Variants in PLEKHA1 observed in about 807,000 individuals in gnomAD.
The protein encoded by PLEKHA1 is pleckstrin homology domain containing A1.
In PLEKHA1, 34 loss-of-function variants were observed where a neutral mutation model predicts 52.0. The ratio of observed to expected loss-of-function variants is 0.65; its 90% CI spans 0.50 to 0.87. PLEKHA1 has a LOEUF of 0.87. Among genes scored for constraint, PLEKHA1 ranks in the 40% least tolerant of loss-of-function variants. PLEKHA1 has a pLI of 0.00. For missense variants in PLEKHA1, 497 were observed against 504.2 expected (o/e 0.99, Z 0.14); for synonymous variants, 163 against 170.7 (o/e 0.95, Z 0.35).
intron 5 of PLEKHA1, among the ~76,000 whole-genome samples, chr10:122,409,811 C>G (rs989540758): frequency 2.7e-5 from 4 of 149,152 alleles, no homozygotes; most frequent in Non-Finnish European, 5.9e-5. Flanking sequence ...GACAGAGTCT[C>G]GCTGTGTTGC....
intron 11 of PLEKHA1, among the ~76,000 whole-genome samples, chr10:122,428,006 C>G (rs1470467495): frequency 6.6e-6 from 1 of 152,022 alleles, no homozygotes; most frequent in Non-Finnish European, 1.5e-5. Context: ...TCTTTATATC[C>G]TTTTTGAAAT....
In PLEKHA1 at chr10:122,429,680, C is replaced by T. The variant is rs752973072; in HGVS notation, c.957C>T (p.Ala319=). 1.3e-5 allele frequency: 21 copies of T among 1,613,100 alleles called. No individual in the cohort carries two copies. The East Asian group carries it at 1.6e-4, about 12-fold the overall frequency. Residue 319 remains alanine (A), a synonymous_variant, in exon 12 of 12, where the codon GCC becomes GCT. Coordinates refer to ENST00000368990, the MANE Select transcript of PLEKHA1 (RefSeq NM_001001974.4). ...SKHAFRPTNA[A]TATSHSTASR... ...ACGCTTTCCGTCCTACCAACGCAGC[C>T]ACCGCCACCTCACATTCCACAGCCT... is the stretch of plus-strand genomic sequence containing the variant.
chr10:122,398,651 T>G (rs1022085287), intron 3 of PLEKHA1, among the ~76,000 whole-genome samples: 2 of 151,536 alleles, frequency 1.3e-5, no homozygotes, highest in Non-Finnish European at 2.9e-5. Context: ...TAATAAAAGT[T>G]TGTTGATTAC....
chr10:122,408,002 C>T (rs537047356), intron 5 of PLEKHA1, among the ~76,000 whole-genome samples: 24 of 152,292 alleles, frequency 1.6e-4, no homozygotes, highest in African/African-American at 4.3e-4. Context: ...AAAACGCCTA[C>T]GCACCGCATC....
chr10:122,408,958 A>G (rs1482250312), intron 5 of PLEKHA1, among the ~76,000 whole-genome samples: 5 of 152,180 alleles, frequency 3.3e-5, no homozygotes, highest in African/African-American at 4.8e-5. Flanking sequence ...TAAATTTTAA[A>G]ATTTTGGAAA....
chr10:122,384,692 C>T (rs1313253506), intron 1 of PLEKHA1, among the ~76,000 whole-genome samples: 3 of 151,898 alleles, frequency 2.0e-5, no homozygotes, highest in African/African-American at 7.3e-5. Context: ...GTGGCTCACA[C>T]CTGTAATCCC....
intron 9 of PLEKHA1, among the ~76,000 whole-genome samples, 178 bp downstream of exon 9, chr10:122,424,441 T>C (rs911436354): frequency 1.4e-4 from 22 of 152,200 alleles, no homozygotes; most frequent in African/African-American, 5.3e-4. Context: ...TTGAACTACT[T>C]TGTTCATTTG....
At chr10:122,384,032 T>G (rs1482694702) in intron 1 of PLEKHA1, among the ~76,000 whole-genome samples, 1 of 152,206 alleles carries the variant, frequency 6.6e-6, no homozygotes, top group Non-Finnish European at 1.5e-5. Context: ...TGGGATGTCA[T>G]TGGCAATGGC....
At chr10:122,381,285 A>G (rs552754517) in intron 1 of PLEKHA1, among the ~76,000 whole-genome samples, 1 of 152,234 alleles carries the variant, frequency 6.6e-6, no homozygotes, top group Admixed American at 6.5e-5. Flanking sequence ...TAATTTGAAG[A>G]TGGAGATAAC....
Position 122,393,689 on chromosome 10 carries a change from A to G in PLEKHA1, c.141+348A>G, listed in dbSNP as rs1428621110. Reference sequence around the variant, plus strand: ...AAATAAGAAATACTTTTTTTGTAACATGTATTTCAAACAACAGCTAAAATA... The same window carrying G: ...AAATAAGAAATACTTTTTTTGTAACGTGTATTTCAAACAACAGCTAAAATA... On this transcript the variant is annotated intron_variant, in intron 2 of 11. Transcript: ENST00000368990. The surrounding 1 kb of genome is among the most constrained non-coding windows in gnomAD (Gnocchi z 4.5). 6.6e-6 allele frequency among the ~76,000 whole-genome samples: 1 copy of G among 152,206 alleles called. No homozygotes were observed. The highest frequency in any genetic ancestry group is 2.1e-4 in the South Asian group (1 of 4,832).
chr10:122,378,953 T>C (rs2133556877), intron 1 of PLEKHA1, among the ~76,000 whole-genome samples: 1 of 152,286 alleles, frequency 6.6e-6, no homozygotes, highest in East Asian at 1.9e-4. Flanking sequence ...TCTATTTGGA[T>C]ACAAATGTGT....
chr10:122,420,211 G>T (rs1375488555), intron 8 of PLEKHA1: 1 of 152,154 alleles, frequency 6.6e-6, no homozygotes, highest in Non-Finnish European at 1.5e-5. Context: ...TGATTCAGAA[G>T]ATCTGGAATC....
At chr10:122,408,366 A>G (rs1293682233) in intron 5 of PLEKHA1, among the ~76,000 whole-genome samples, 4 of 152,188 alleles carry the variant, frequency 2.6e-5, no homozygotes, top group African/African-American at 7.2e-5. Context: ...GCTTTTCAGC[A>G]TGAAGGAAAA....
chr10:122,415,853 T>C lies in PLEKHA1; in HGVS notation c.469-6T>C. ...AAAATAATTTATTTATTTTGCTTCA[T>C]TTTAGAAAGAAGAAGTAAATGAATG... is the stretch of plus-strand genomic sequence containing the variant. On this transcript the variant is annotated splice_polypyrimidine_tract_variant and splice_region_variant and intron_variant, in intron 6 of 11. Transcript: ENST00000368990. 6.2e-7 allele frequency: 1 copy of C among 1,604,040 alleles called. No individual in the cohort carries two copies.
chr10:122,398,169 T>TA (rs949071969), intron 3 of PLEKHA1, among the ~76,000 whole-genome samples, 195 bp downstream of exon 3: 33 of 152,274 alleles, frequency 2.2e-4, no homozygotes, highest in African/African-American at 7.5e-4. Context: ...GATTTTAACT[T>TA]ACAGGATGTG....
chr10:122,407,947 G>A (rs2097047382), intron 5 of PLEKHA1, among the ~76,000 whole-genome samples: 1 of 152,096 alleles, frequency 6.6e-6, no homozygotes, highest in African/African-American at 2.4e-5. Context: ...GAGTTTAGTC[G>A]AATCTTTTTG....
At chr10:122,390,644 G>A (rs745883664) in intron 1 of PLEKHA1, among the ~76,000 whole-genome samples, 1 of 151,990 alleles carries the variant, frequency 6.6e-6, no homozygotes, top group Non-Finnish European at 1.5e-5. Context: ...TGGGCATGGT[G>A]GTACATGCAT....
At position 122,428,368 on chromosome 10, in the gene PLEKHA1, C is replaced by T. The variant is rs868187219; in HGVS notation, c.901-1256C>T. On this transcript the variant is annotated intron_variant, in intron 11 of 11. Transcript: ENST00000368990. ...GCACGTATGTGGGCTCTCACGCAAA[C>T]GTGCCTTCTTAGTGGAGGGCCCAGA... is the stretch of plus-strand genomic sequence containing the variant. 2.1e-5 allele frequency: 33 copies of T among 1,543,850 alleles called. No individual in the cohort carries two copies. The East Asian group carries it at 4.7e-4, about 22-fold the overall frequency.
intron 8 of PLEKHA1, chr10:122,422,330 T>G (rs1046831921): frequency 1.3e-5 from 2 of 152,120 alleles, no homozygotes; most frequent in African/African-American, 4.8e-5. Flanking sequence ...AGGTTCCAGG[T>G]ATCTCCCCAC....
Sources: gnomAD v4.1 joint callset for allele counts (sites outside exome capture counted in the v4.1 genomes callset) on GRCh38, gnomAD v4.1.1 for gene constraint, Gnocchi (gnomAD v3.1) non-coding constraint, MANE v1.5 for transcripts, NCBI Gene and HGNC (gene_info 2026-07-23, HGNC 2026-07-21) for gene names.